The following MACF1 variants were observed in gnomAD, a reference collection of about 807,000 sequenced individuals.
MACF1 encodes the protein microtubule actin crosslinking factor 1.
MACF1 carries 193 observed loss-of-function variants against 854.8 expected under a neutral mutation model. That is an observed-to-expected ratio of 0.23 (90% CI 0.20 to 0.25). The LOEUF (loss-of-function observed/expected upper bound fraction) is 0.25, where lower values mean the gene tolerates loss of function less well. Ranked by LOEUF, MACF1 falls within the 10% of genes least tolerant of loss-of-function variation. The pLI, the probability that MACF1 is intolerant of heterozygous loss-of-function variation, is 1.00. For synonymous variants in MACF1, 3,185 were observed against 3,226.7 expected (o/e 0.99, Z 0.44); for missense variants, 7,722 against 8,929.1 (o/e 0.86, Z 5.45).
In MACF1 at chr1:39,332,429, G is replaced by A. The variant is rs148806845; in HGVS notation, c.5841G>A (p.Pro1947=). 60 of 1,613,986 alleles carry A rather than the reference G, an allele frequency of 3.7e-5. No homozygotes were observed. The highest frequency in any genetic ancestry group is 1.6e-4 in the African/African-American group (12 of 75,014). The change falls in exon 37 of 101, where the codon CCG becomes CCA. Residue 1947 remains proline (P), a synonymous_variant. Transcript: ENST00000564288. ...QNINPGAAVL[P]CSKSHPKATA... ...TTAATCCTGGAGCAGCAGTTCTACC[G>A]TGCAGCAAGAGCCACCCTAAGGCCA...
chr1:39,358,864 A>C lies in MACF1; in HGVS notation c.12111A>C (p.Ala4037=). The C allele has an allele frequency of 6.2e-7, 1 of 1,608,412 alleles. No homozygotes were observed. Among genetic ancestry groups the C allele is most frequent in the Non-Finnish European group, 8.5e-7 (1 of 1,178,384 alleles). Residue 4037 remains alanine (A), a synonymous_variant, in exon 46 of 101, where the codon GCA becomes GCC. Coordinates refer to ENST00000564288, the MANE Select transcript of MACF1 (RefSeq NM_001394062.1). ...SDPGVLQEQL[A]TTKQLQEELA... ...CTGGAGTTCTCCAGGAGCAGCTTGC[A>C]ACAACAAAGGTAAGTCAGGACACAG... is the stretch of plus-strand genomic sequence containing the variant.
rs747272468 is a variant in MACF1, at chr1:39,484,742, C to T, written c.22411+12C>T. 3 of 1,614,150 alleles carry T rather than the reference C, an allele frequency of 1.9e-6. No individual in the cohort carries two copies. Among genetic ancestry groups the T allele is most frequent in the African/African-American group, 1.3e-5 (1 of 75,054 alleles). ...AACTAATCGGGCAGGTAAGTACCTG[C>T]CCCGTGACCTACAAGCCAGGCTGAG... On this transcript the variant is annotated intron_variant, in intron 100 of 100. Transcript: ENST00000564288.
At chr1:39,423,631 T>C (rs1160118538) in intron 60 of MACF1, among the ~76,000 whole-genome samples, 1 of 110,230 alleles carries the variant, frequency 9.1e-6, no homozygotes, top group African/African-American at 3.3e-5. Context: ...CGAGACTCTG[T>C]CTCAAAAAAA....
At chr1:39,438,413 A>G (rs1644026896) in intron 71 of MACF1, among the ~76,000 whole-genome samples, 1 of 152,208 alleles carries the variant, frequency 6.6e-6, no homozygotes, top group Non-Finnish European at 1.5e-5. Context: ...TTTATAGTAG[A>G]TGATAGCTCA....
intron 97 of MACF1, among the ~76,000 whole-genome samples, chr1:39,479,472 GTTTACGAACTGTTGCATCTGC>G (rs1483074279): frequency 6.6e-6 from 1 of 152,180 alleles, no homozygotes; most frequent in Non-Finnish European, 1.5e-5. Context: ...AACTTCAGAG[GTTTACGAACTGTTGCATCTGC>G]TTTACCTCAA....
Position 39,295,768 on chromosome 1 carries a change from G to A in MACF1, c.2260-19G>A, listed in dbSNP as rs757062037. Reference sequence around the variant, plus strand: ...CTGTTAAACTCAAGCCCTTCTGTCTGTGTGCTTGTTTATTGCAGGCTTACA... The same window carrying A: ...CTGTTAAACTCAAGCCCTTCTGTCTATGTGCTTGTTTATTGCAGGCTTACA... On this transcript the variant is annotated intron_variant, in intron 19 of 100. Coordinates refer to ENST00000564288, the MANE Select transcript of MACF1 (RefSeq NM_001394062.1). The A allele has an allele frequency of 2.5e-6, 4 of 1,589,304 alleles. No individual in the cohort carries two copies. In the Admixed American group the frequency reaches 6.8e-5, roughly 27 times the overall value.
intron 21 of MACF1, among the ~76,000 whole-genome samples, chr1:39,297,990 C>G (rs1219049191): frequency 6.6e-6 from 1 of 152,026 alleles, no homozygotes; most frequent in Non-Finnish European, 1.5e-5. Context: ...CTAGTCTTCT[C>G]CTCTGAGCCA....
intron 40 of MACF1, 119 bp downstream of exon 40, chr1:39,341,072 C>A: frequency 3.3e-6 from 3 of 922,322 alleles, no homozygotes; most frequent in Non-Finnish European, 4.6e-6. Flanking sequence ...CTTGCTCTGT[C>A]ACCCAAGCTG....
intron 84 of MACF1, among the ~76,000 whole-genome samples, chr1:39,449,521 C>T (rs1452174326): frequency 6.6e-6 from 1 of 151,776 alleles, no homozygotes; most frequent in Non-Finnish European, 1.5e-5. Context: ...GCCTCAGCCT[C>T]CCGAGTAGCT....
intron 95 of MACF1, 55 bp downstream of exon 95, chr1:39,465,167 A>G: frequency 6.4e-7 from 1 of 1,554,138 alleles, no homozygotes; most frequent in Non-Finnish European, 8.9e-7. Flanking sequence ...TGTGTAGCTA[A>G]TGCTGCCTGT....
At chr1:39,293,729 G>C in intron 18 of MACF1, 110 bp downstream of exon 18, 1 of 1,007,444 alleles carries the variant, frequency 9.9e-7, no homozygotes, top group South Asian at 1.9e-5. Context: ...CTGCTAGATA[G>C]AAATAGGGGC....
chr1:39,442,149 G>A lies in MACF1; in HGVS notation c.18777G>A (p.Glu6259=). Reference sequence around the variant, plus strand: ...AACATTGAGTGTGTCTTTGACAGGAGTTCAAAGTAGAAGTTTACCAACAGC... The same window carrying A: ...AACATTGAGTGTGTCTTTGACAGGAATTCAAAGTAGAAGTTTACCAACAGC... The part of the protein sequence containing the change: ...TVKDQLNEMK[E]FKVEVYQQQI... Residue 6259 remains glutamate (E), a splice_region_variant and synonymous_variant, in exon 76 of 101, where the codon GAG becomes GAA. Coordinates refer to ENST00000564288, the MANE Select transcript of MACF1 (RefSeq NM_001394062.1). The A allele has an allele frequency of 6.3e-7, 1 of 1,589,570 alleles. No individual in the cohort carries two copies. Among genetic ancestry groups the A allele is most frequent in the East Asian group, 2.2e-5 (1 of 44,720 alleles).
chr1:39,337,176 C>T lies in MACF1; in HGVS notation c.10066-6C>T, dbSNP rs775432843. 1 of 1,609,300 alleles carries T rather than the reference C, an allele frequency of 6.2e-7. No homozygotes were observed. Among genetic ancestry groups the T allele is most frequent in the African/African-American group, 1.3e-5 (1 of 74,842 alleles). On this transcript the variant is annotated splice_polypyrimidine_tract_variant and splice_region_variant and intron_variant, in intron 37 of 100. Transcript: ENST00000564288. ...AACTGAGTCAGCTTTCTTTTTGGCT[C>T]CACAGAATGTATTTACCCGGCAACT...
chr1:39,379,260 G>C lies in MACF1; in HGVS notation c.13334G>C (p.Gly4445Ala). ...GTAAACTTGAAGTATGAGAAACTAG[G>C]GGGAGTACTTCATGAACGCCAGGAA... ...SDVNLKYEKLGGVLHERQESL... is the reference protein window; with the variant it reads ...SDVNLKYEKLAGVLHERQESL... Residue 4445 changes from glycine to alanine, a missense_variant, in exon 54 of 101, where the codon GGG becomes GCG. Around this residue, in one of 15 missense-constraint regions of MACF1, gnomAD observed 2,807 missense variants for 3,235.8 expected, o/e 0.87. Transcript: ENST00000564288. 6.2e-7 allele frequency: 1 copy of C among 1,613,012 alleles called. No individual in the cohort carries two copies. Among genetic ancestry groups the C allele is most frequent in the Non-Finnish European group, 8.5e-7 (1 of 1,179,584 alleles).
intron 21 of MACF1, chr1:39,299,205 C>T (rs1404627699): frequency 2.2e-6 from 1 of 456,150 alleles, no homozygotes; most frequent in African/African-American, 2.0e-5. Flanking sequence ...TCTTTCTTAA[C>T]TAATAAGTTA....
chr1:39,264,029 T>C (rs914228477), intron 6 of MACF1, among the ~76,000 whole-genome samples: 1 of 152,164 alleles, frequency 6.6e-6, no homozygotes, highest in Non-Finnish European at 1.5e-5. Context: ...CACCTCAGCC[T>C]CCCAAAGTAC....
At chr1:39,339,332 A>G (rs187560374) in intron 38 of MACF1, among the ~76,000 whole-genome samples, 1 of 152,332 alleles carries the variant, frequency 6.6e-6, no homozygotes, top group Admixed American at 6.5e-5. Flanking sequence ...ACAAAAATAG[A>G]TTGAAAAAGT....
chr1:39,185,423 C>T (rs562257425), intron 2 of MACF1, among the ~76,000 whole-genome samples: 18 of 151,858 alleles, frequency 1.2e-4, no homozygotes, highest in Admixed American at 1.1e-3. Flanking sequence ...CCCAGGAGTT[C>T]AAGGCTATAG....
intron 68 of MACF1, 74 bp from the exon 69 acceptor site, chr1:39,434,340 A>G: frequency 1.3e-6 from 1 of 765,754 alleles, no homozygotes; most frequent in Non-Finnish European, 2.1e-6. Context: ...TTTAATGTAT[A>G]TATACCTACT....
Sources: gnomAD v4.1 joint callset for allele counts (sites outside exome capture counted in the v4.1 genomes callset) on GRCh38, gnomAD v4.1.1 for gene constraint, gnomAD v4.1.1 regional missense constraint, MANE v1.5 for transcripts, NCBI Gene and HGNC (gene_info 2026-07-23, HGNC 2026-07-21) for gene names.